NRXN3: variants seen among roughly 807,000 people sequenced by gnomAD.
The protein encoded by NRXN3 is neurexin 3.
NRXN3 carries 32 observed loss-of-function variants against 137.6 expected under a neutral mutation model. The ratio of observed to expected loss-of-function variants is 0.23; its 90% CI spans 0.18 to 0.31. NRXN3 has a LOEUF of 0.31. Ranked by LOEUF, NRXN3 falls within the 10% of genes least tolerant of loss-of-function variation. The pLI is 1.00. For missense variants in NRXN3, 1,574 were observed against 2,062.5 expected, an observed-to-expected ratio of 0.76 and a Z score of 4.59; for synonymous variants, 798 against 784.5, an observed-to-expected ratio of 1.02 and a Z score of -0.29.
intron 15 of NRXN3, among the ~76,000 whole-genome samples, chr14:79,420,512 G>A (rs1458663071): frequency 6.6e-6 from 1 of 152,092 alleles, no homozygotes; most frequent in Non-Finnish European, 1.5e-5. Flanking sequence ...CCAAAAAGTA[G>A]CTCAAATACA....
In NRXN3 at chr14:79,195,804, A is replaced by G. The variant is rs192755042; in HGVS notation, c.3262+207663A>G. Among the ~76,000 whole-genome samples, 688 of 152,314 alleles carry G rather than the reference A, an allele frequency of 4.5e-3. 5 individuals carry two copies. The highest frequency in any genetic ancestry group is 7.6e-3 in the Non-Finnish European group (515 of 68,022). On this transcript the variant is annotated intron_variant, in intron 15 of 20. Coordinates refer to ENST00000335750, the MANE Select transcript of NRXN3 (RefSeq NM_001330195.2). Reference sequence around the variant, plus strand: ...TCCTATAAATTCCTTTGGCAGATCTATTTACTATGGAGATCCCTAGTGGAG... The same window carrying G: ...TCCTATAAATTCCTTTGGCAGATCTGTTTACTATGGAGATCCCTAGTGGAG...
chr14:78,538,615 T>C (rs906742602), intron 4 of NRXN3, among the ~76,000 whole-genome samples: 1 of 152,244 alleles, frequency 6.6e-6, no homozygotes, highest in African/African-American at 2.4e-5. Flanking sequence ...TTCTTTCTCC[T>C]GCCTGATTGC....
At chr14:78,309,525 A>C (rs1002035950) in intron 4 of NRXN3, among the ~76,000 whole-genome samples, 1 of 151,694 alleles carries the variant, frequency 6.6e-6, no homozygotes, top group Non-Finnish European at 1.5e-5. Flanking sequence ...CAATGTTTAG[A>C]GATGCTAATA....
intron 15 of NRXN3, among the ~76,000 whole-genome samples, chr14:79,224,871 A>G (rs565846601): frequency 5.9e-5 from 9 of 152,324 alleles, no homozygotes; most frequent in Admixed American, 5.9e-4. Context: ...ACCAACAGCT[A>G]GAAGACTATG....
At chr14:79,010,888 T>C (rs370550315) in intron 15 of NRXN3, among the ~76,000 whole-genome samples, 5 of 152,188 alleles carry the variant, frequency 3.3e-5, no homozygotes, top group Non-Finnish European at 5.9e-5. Context: ...GCCCATCCCC[T>C]TGACCTTTCT....
chr14:79,540,397 C>T (rs1322195556), intron 16 of NRXN3, among the ~76,000 whole-genome samples: 1 of 152,074 alleles, frequency 6.6e-6, no homozygotes. Flanking sequence ...GTATTCATCA[C>T]CTCATATATT....
At chr14:79,036,488 G>A (rs1440319457) in intron 15 of NRXN3, among the ~76,000 whole-genome samples, 1 of 151,590 alleles carries the variant, frequency 6.6e-6, no homozygotes, top group Admixed American at 6.6e-5. Flanking sequence ...GGTGAATACT[G>A]TGACAAAAAC....
At chr14:78,776,530 T>A (rs929214733) in intron 8 of NRXN3, among the ~76,000 whole-genome samples, 1 of 152,190 alleles carries the variant, frequency 6.6e-6, no homozygotes, top group African/African-American at 2.4e-5. Context: ...TCCTTTTTCA[T>A]CTTATCACAC....
At chr14:79,594,135 C>T (rs60115863) in intron 16 of NRXN3, among the ~76,000 whole-genome samples, 1 of 152,080 alleles carries the variant, frequency 6.6e-6, no homozygotes, top group African/African-American at 2.4e-5. Context: ...AGGTTGTATT[C>T]GTACCAGTTT....
At chr14:78,579,808 T>C (rs1600781059) in intron 4 of NRXN3, among the ~76,000 whole-genome samples, 2 of 152,196 alleles carry the variant, frequency 1.3e-5, no homozygotes, top group African/African-American at 4.8e-5. Context: ...ATGTTCTCAC[T>C]GGAAAATAAC....
chr14:79,241,930 G>A (rs2074367504), intron 15 of NRXN3, among the ~76,000 whole-genome samples: 1 of 151,990 alleles, frequency 6.6e-6, no homozygotes, highest in Non-Finnish European at 1.5e-5. Flanking sequence ...ATCCAGGCGT[G>A]GTGGCAGGTG....
At chr14:79,123,816 A>G (rs535511841) in intron 15 of NRXN3, among the ~76,000 whole-genome samples, 2 of 152,178 alleles carry the variant, frequency 1.3e-5, no homozygotes, top group Non-Finnish European at 2.9e-5. Context: ...CAGGCCAGGT[A>G]AGCAAAGTTG....
Position 78,965,602 on chromosome 14 carries a change from A to G in NRXN3, c.2396-423A>G, listed in dbSNP as rs561934442. On this transcript the variant is annotated intron_variant, in intron 11 of 20. Transcript: ENST00000335750. ...CTATAATAGAATCCTTCCCACGAGT[A>G]CTAAGTGGAGAGTTATTACGAGAAA... Among the ~76,000 whole-genome samples the G allele has an allele frequency of 3.3e-5, 5 of 152,364 alleles. No homozygotes were observed. In the East Asian group the frequency reaches 9.6e-4, roughly 29 times the overall value.
At chr14:78,585,878 T>G (rs2097057249) in intron 4 of NRXN3, among the ~76,000 whole-genome samples, 1 of 152,146 alleles carries the variant, frequency 6.6e-6, no homozygotes, top group Non-Finnish European at 1.5e-5. Context: ...GGTTGGAGTT[T>G]AGACAAAAAT....
At chr14:78,890,782 A>C (rs948612651) in intron 10 of NRXN3, among the ~76,000 whole-genome samples, 5 of 151,968 alleles carry the variant, frequency 3.3e-5, no homozygotes, top group African/African-American at 9.7e-5. Flanking sequence ...GAAAAACCAG[A>C]ATTATCTTCA....
At chr14:78,792,126 C>T (rs763405611) in intron 8 of NRXN3, among the ~76,000 whole-genome samples, 29 of 150,674 alleles carry the variant, frequency 1.9e-4, no homozygotes, top group Admixed American at 1.6e-3. Flanking sequence ...GAAAATTTCC[C>T]GTGAGCTACA....
At chr14:78,320,616 C>G (rs958648530) in intron 4 of NRXN3, among the ~76,000 whole-genome samples, 1 of 152,158 alleles carries the variant, frequency 6.6e-6, no homozygotes, top group Non-Finnish European at 1.5e-5. Flanking sequence ...CCCATTATTT[C>G]CCAGTAGATC....
intron 15 of NRXN3, among the ~76,000 whole-genome samples, chr14:79,263,551 C>A (rs1441613415): frequency 6.6e-6 from 1 of 152,042 alleles, no homozygotes; most frequent in Non-Finnish European, 1.5e-5. Flanking sequence ...TGTTTCTATC[C>A]ATTTTTGAGC....
At chr14:79,308,516 A>C (rs2086534151) in intron 15 of NRXN3, among the ~76,000 whole-genome samples, 1 of 152,170 alleles carries the variant, frequency 6.6e-6, no homozygotes, top group African/African-American at 2.4e-5. Context: ...GCTGTGGCTA[A>C]AGTCAGATAT....
Sources: gnomAD v4.1 joint callset for allele counts (sites outside exome capture counted in the v4.1 genomes callset) on GRCh38, gnomAD v4.1.1 for gene constraint, MANE v1.5 for transcripts, NCBI Gene and HGNC (gene_info 2026-07-23, HGNC 2026-07-21) for gene names.